The following NSRP1 variants were observed in gnomAD, a reference collection of about 807,000 sequenced individuals.
The protein encoded by NSRP1 is nuclear speckle splicing regulatory protein 1, also known as coiled-coil domain containing 55.
Under a neutral mutation model 54.7 loss-of-function variants are expected in NSRP1, and 24 were observed. That is an observed-to-expected ratio of 0.44 (90% confidence interval 0.32 to 0.62). The LOEUF is 0.62. Ranked by LOEUF, NSRP1 falls within the 20% of genes least tolerant of loss-of-function variation. The pLI is 0.06. For missense variants in NSRP1, 596 were observed against 651.2 expected (o/e 0.92, Z 0.92); for synonymous variants, 210 against 213.8 (o/e 0.98, Z 0.15).
At chr17:30,121,454 T>A (rs1445474513) in intron 2 of NSRP1, among the ~76,000 whole-genome samples, 1 of 127,564 alleles carries the variant, frequency 7.8e-6, no homozygotes, top group Non-Finnish European at 1.6e-5. Flanking sequence ...ATGCAAGATC[T>A]TTTTTTTTTT....
chr17:30,139,464 T>C (rs1345890692), intron 2 of NSRP1, among the ~76,000 whole-genome samples: 1 of 152,094 alleles, frequency 6.6e-6, no homozygotes, highest in Non-Finnish European at 1.5e-5. Flanking sequence ...TTTCATTAAG[T>C]TTTCTGTTTT....
At chr17:30,158,763 G>A (rs1904409979) in intron 2 of NSRP1, among the ~76,000 whole-genome samples, 1 of 152,098 alleles carries the variant, frequency 6.6e-6, no homozygotes, top group Admixed American at 6.5e-5. Context: ...TTGAAAATCA[G>A]TTGGATATAA....
At chr17:30,183,630 T>C (rs1905395499) in intron 6 of NSRP1, among the ~76,000 whole-genome samples, 1 of 152,228 alleles carries the variant, frequency 6.6e-6, no homozygotes, top group South Asian at 2.1e-4. Flanking sequence ...GTGTGATTAG[T>C]AAGTGATTAG....
intron 6 of NSRP1, among the ~76,000 whole-genome samples, chr17:30,182,135 A>C (rs996327462): frequency 1.4e-5 from 2 of 140,462 alleles, no homozygotes; most frequent in African/African-American, 5.4e-5. Flanking sequence ...CCTTAAAATG[A>C]TTTTGCTGTC....
chr17:30,163,634 A>G (rs190906103), intron 2 of NSRP1, among the ~76,000 whole-genome samples: 102 of 150,928 alleles, frequency 6.8e-4, no homozygotes, highest in African/African-American at 2.2e-3. Flanking sequence ...TCTAGTTGCA[A>G]TGTTTTTCTT....
chr17:30,130,056 G>A (rs180860255), intron 2 of NSRP1, among the ~76,000 whole-genome samples: 91 of 152,200 alleles, frequency 6.0e-4, no homozygotes, highest in Middle Eastern at 3.4e-3. Context: ...GAAGTGGGGA[G>A]ATGGCAAGAA....
In NSRP1 at chr17:30,180,357, T is replaced by TGTTGGCCAG. The variant is rs1204724306; in HGVS notation, c.509-545_509-537dup. ...TTTTTATAGAGACGGAGTTTTACCATGTTGGCCAGGTTGGTCTCGAACTCC... is the reference window on the plus strand; with the variant it reads ...TTTTTATAGAGACGGAGTTTTACCATGTTGGCCAGGTTGGCCAGGTTGGTCTCGAACTCC... On this transcript the variant is annotated intron_variant, in intron 5 of 6. Coordinates refer to ENST00000247026, the MANE Select transcript of NSRP1 (RefSeq NM_032141.4). Among the ~76,000 whole-genome samples the TGTTGGCCAG allele has an allele frequency of 8.5e-5, 13 of 152,206 alleles. No homozygotes were observed. The East Asian group carries it at 2.1e-3, about 25-fold the overall frequency.
intron 2 of NSRP1, among the ~76,000 whole-genome samples, chr17:30,169,618 A>G (rs1254969905): frequency 6.6e-6 from 1 of 152,096 alleles, no homozygotes; most frequent in Non-Finnish European, 1.5e-5. Flanking sequence ...AATACATGTA[A>G]TACACAACTA....
At chr17:30,174,718 G>C (rs1055515220) in intron 3 of NSRP1, among the ~76,000 whole-genome samples, 3 of 152,156 alleles carry the variant, frequency 2.0e-5, no homozygotes, top group South Asian at 4.1e-4. Flanking sequence ...CATACAAAAA[G>C]GATACTGCTT....
At chr17:30,143,706 T>G (rs939468571) in intron 2 of NSRP1, among the ~76,000 whole-genome samples, 2 of 152,246 alleles carry the variant, frequency 1.3e-5, no homozygotes, top group Non-Finnish European at 1.5e-5. Context: ...AAGCAATAAT[T>G]GGAAAACATG....
rs1905475144 is a variant in NSRP1 at position 30,185,142 on chromosome 17, A to G, written c.1145A>G (p.Lys382Arg). 2 of 1,600,514 alleles carry G rather than the reference A, an allele frequency of 1.2e-6. No individual in the cohort carries two copies. The highest frequency in any genetic ancestry group is 4.5e-5 in the East Asian group (2 of 44,488). Reference protein sequence around the residue: ...ERSDRVWKREKDREKYSQREQ... With the variant: ...ERSDRVWKRERDREKYSQREQ... ...AGTGACAGAGTATGGAAAAGGGAGA[A>G]AGATAGGGAGAAATATTCCCAAAGA... Residue 382 changes from lysine (K) to arginine (R), a missense_variant, in exon 7 of 7, where the codon AAA (lysine) becomes AGA (arginine). Transcript: ENST00000247026.
intron 2 of NSRP1, among the ~76,000 whole-genome samples, chr17:30,171,599 G>A (rs975302618): frequency 2.0e-5 from 3 of 152,016 alleles, no homozygotes; most frequent in Admixed American, 1.3e-4. Context: ...GAGCCACCGC[G>A]CCTGGCCATA....
chr17:30,137,732 T>C (rs2071762627), intron 2 of NSRP1, among the ~76,000 whole-genome samples: 1 of 152,216 alleles, frequency 6.6e-6, no homozygotes, highest in Non-Finnish European at 1.5e-5. Flanking sequence ...GTGAATTACA[T>C]TGATAGATTT....
chr17:30,134,995 C>T (rs536897625), intron 2 of NSRP1, among the ~76,000 whole-genome samples: 18 of 151,274 alleles, frequency 1.2e-4, no homozygotes, highest in South Asian at 1.0e-3. Context: ...TCCCATTGTC[C>T]GGATATATAT....
At chr17:30,138,908 CG>C (rs2071774094) in intron 2 of NSRP1, among the ~76,000 whole-genome samples, 2 of 64,926 alleles carry the variant, frequency 3.1e-5, no homozygotes, top group Non-Finnish European at 6.4e-5. Flanking sequence ...CAAGTCTTAG[CG>C]TTTTTTTTTT....
chr17:30,178,233 C>A (rs756982555), intron 4 of NSRP1, 34 bp downstream of exon 4: 3 of 1,580,256 alleles, frequency 1.9e-6, no homozygotes, highest in Non-Finnish European at 2.6e-6. Context: ...TTTCTTTGAC[C>A]TTGACCTACA....
At position 30,118,879 on chromosome 17, in the gene NSRP1, G is replaced by C. The variant is rs142779353; in HGVS notation, c.114+706G>C. Among the ~76,000 whole-genome samples, 1,221 of 151,766 alleles carry C rather than the reference G, an allele frequency of 8.0e-3. 19 individuals are homozygous for C. Among genetic ancestry groups the C allele is most frequent in the African/African-American group, 0.027 (1,117 of 41,364 alleles). On this transcript the variant is annotated intron_variant, in intron 2 of 6. Coordinates refer to ENST00000247026, the MANE Select transcript of NSRP1 (RefSeq NM_032141.4). ...TTCTCTTGCCTAATCTTCCTGAGTAGCTGGGATTACAGGCACCTGCCATCA... is the reference window on the plus strand; with the variant it reads ...TTCTCTTGCCTAATCTTCCTGAGTACCTGGGATTACAGGCACCTGCCATCA...
chr17:30,125,343 G>A (rs1328818798), intron 2 of NSRP1, among the ~76,000 whole-genome samples: 13 of 152,226 alleles, frequency 8.5e-5, no homozygotes, highest in Admixed American at 8.5e-4. Context: ...CCTGAGGAAA[G>A]CATTTGATAC....
chr17:30,155,820 C>T (rs1313630670), intron 2 of NSRP1, among the ~76,000 whole-genome samples: 1 of 151,954 alleles, frequency 6.6e-6, no homozygotes, highest in Admixed American at 6.6e-5. Flanking sequence ...TTCATTTACC[C>T]ATCTCTTAAT....
Sources: allele counts gnomAD v4.1 joint callset (sites outside exome capture counted in the v4.1 genomes callset), GRCh38; gene constraint gnomAD v4.1.1; transcripts MANE v1.5; gene names NCBI Gene and HGNC (gene_info 2026-07-23, HGNC 2026-07-21).